GSDME: variants seen among roughly 807,000 people sequenced by gnomAD.
The protein encoded by GSDME is gasdermin E.
GSDME carries 44 observed loss-of-function variants against 47.5 expected under a neutral mutation model. That is an observed-to-expected ratio of 0.93 (90% confidence interval 0.73 to 1.19). The LOEUF (loss-of-function observed/expected upper bound fraction) is 1.19, where lower values mean the gene tolerates loss of function less well. GSDME is among the 50% of genes most tolerant of loss of function. The pLI is 0.00. For missense variants in GSDME, 663 were observed against 604.2 expected (o/e 1.10, Z -1.02); for synonymous variants, 258 against 252.8 (o/e 1.02, Z -0.20).
chr7:24,795,078 G>C, the GSDME span, among the ~76,000 whole-genome samples: 2 of 152,204 alleles, frequency 1.3e-5, no homozygotes, highest in African/African-American at 4.8e-5. Context: ...CAAGTTCCAA[G>C]ACCAGTCTTA....
At position 24,733,882 on chromosome 7, in the gene GSDME, C is replaced by T. The variant is rs928460513; in HGVS notation, c.404+10680G>A. Among the ~76,000 whole-genome samples the T allele has an allele frequency of 6.6e-6, 1 of 152,200 alleles. No individual in the cohort carries two copies. Among genetic ancestry groups the T allele is most frequent in the African/African-American group, 2.4e-5 (1 of 41,450 alleles). On this transcript the variant is annotated intron_variant, in intron 3 of 9. Transcript: ENST00000645220. This position sits in a 1 kb window ranked among gnomAD's most constrained non-coding sequence, Gnocchi z 4.3. ...TCATGTCTGAGGGGAAGGACACAAG[C>T]CTGGCTGGCTTTACCACCTGCTGAT...
chr7:24,708,474 A>G (rs59662781), intron 6 of GSDME, among the ~76,000 whole-genome samples: 1 of 152,334 alleles, frequency 6.6e-6, no homozygotes, highest in East Asian at 1.9e-4. Context: ...GAAAGAGGGA[A>G]GCCAAGTTTT....
At chr7:24,749,525 T>C (rs779520314) in intron 2 of GSDME, 39 bp downstream of exon 2, 2 of 1,492,946 alleles carry the variant, frequency 1.3e-6, no homozygotes, top group Non-Finnish European at 9.3e-7. Context: ...GGATCATCCT[T>C]TCCGAGACTA....
intron 5 of GSDME, among the ~76,000 whole-genome samples, chr7:24,711,050 C>T (rs1789334086): frequency 1.3e-5 from 2 of 152,010 alleles, no homozygotes; most frequent in African/African-American, 2.4e-5. Context: ...CAATATAATG[C>T]CTAGGATTTG....
Position 24,728,081 on chromosome 7 carries a change from G to A in GSDME, c.405-8863C>T, listed in dbSNP as rs1219503824. Reference sequence around the variant, plus strand: ...GCCAATGAGTCTTGATTTGTCTCTCGGCCATTCTTGGTCACTCCGTTTTTC... The same window carrying A: ...GCCAATGAGTCTTGATTTGTCTCTCAGCCATTCTTGGTCACTCCGTTTTTC... On this transcript the variant is annotated intron_variant, in intron 3 of 9. Coordinates refer to ENST00000645220, the MANE Select transcript of GSDME (RefSeq NM_001127453.2). The surrounding 1 kb of genome is among the most constrained non-coding windows in gnomAD (Gnocchi z 7.2). 6.6e-6 allele frequency among the ~76,000 whole-genome samples: 1 copy of A among 152,300 alleles called. No individual in the cohort carries two copies. The highest frequency in any genetic ancestry group is 2.4e-5 in the African/African-American group (1 of 41,548).
chr7:24,747,338 G>A (rs578083167), intron 2 of GSDME, among the ~76,000 whole-genome samples: 3 of 152,306 alleles, frequency 2.0e-5, no homozygotes, highest in African/African-American at 4.8e-5. Context: ...GGCTGGAATC[G>A]TTTCCTGGAA....
the GSDME span, among the ~76,000 whole-genome samples, chr7:24,768,555 C>G: frequency 6.6e-6 from 1 of 152,206 alleles, no homozygotes; most frequent in Non-Finnish European, 1.5e-5. The surrounding 1 kb of genome is among the most constrained non-coding windows in gnomAD (Gnocchi z 5.6). Context: ...GGATTGTTAT[C>G]TCCAGTAAGT....
At chr7:24,719,691 G>A (rs1234756316) in intron 3 of GSDME, among the ~76,000 whole-genome samples, 1 of 152,110 alleles carries the variant, frequency 6.6e-6, no homozygotes, top group Non-Finnish European at 1.5e-5. Context: ...TACTAAGGAG[G>A]CTGAGGCACG....
chr7:24,784,611 CTTTT>C, the GSDME span, among the ~76,000 whole-genome samples: 2 of 146,474 alleles, frequency 1.4e-5, no homozygotes, highest in African/African-American at 5.1e-5. Context: ...CTTCCCCCTG[CTTTT>C]TTTCTTCTTC....
At chr7:24,708,345 A>G (rs570632167) in intron 6 of GSDME, 91 bp from the exon 7 acceptor site, 23 of 1,479,618 alleles carry the variant, frequency 1.6e-5, no homozygotes, top group Non-Finnish European at 2.0e-5. Context: ...CCTAATCGTC[A>G]TCAGTTCTTT....
In GSDME at chr7:24,757,031, G is replaced by T. The variant is rs1210050321; in HGVS notation, c.-20+365C>A. ...CACAAAGGATGAACGAATGGGGAGG[G>T]GGGGTTTGGGGGGTTGGGAGAACGA... On this transcript the variant is annotated intron_variant, in intron 1 of 9. Coordinates refer to ENST00000645220, the MANE Select transcript of GSDME (RefSeq NM_001127453.2). The surrounding 1 kb of genome is among the most constrained non-coding windows in gnomAD (Gnocchi z 5.9). 1.3e-5 allele frequency among the ~76,000 whole-genome samples: 2 copies of T among 152,178 alleles called. No individual in the cohort carries two copies. Among genetic ancestry groups the T allele is most frequent in the East Asian group, 1.9e-4 (1 of 5,188 alleles).
rs564845679 is a variant in GSDME at position 24,721,571 on chromosome 7, A to G, written c.405-2353T>C. On this transcript the variant is annotated intron_variant, in intron 3 of 9. Transcript: ENST00000645220. This position sits in a 1 kb window ranked among gnomAD's most constrained non-coding sequence, Gnocchi z 4.1. ...ATGGGGTTCCGTCAGGGTTTAGATGACATGCATGCAGTGAGCCATTAGGGT... is the reference window on the plus strand; with the variant it reads ...ATGGGGTTCCGTCAGGGTTTAGATGGCATGCATGCAGTGAGCCATTAGGGT... Among the ~76,000 whole-genome samples, 15 of 152,304 alleles carry G rather than the reference A, an allele frequency of 9.8e-5. No homozygotes were observed. The highest frequency in any genetic ancestry group is 8.5e-4 in the Admixed American group (13 of 15,298).
At chr7:24,737,884 A>C (rs1314240160) in intron 3 of GSDME, among the ~76,000 whole-genome samples, 1 of 152,202 alleles carries the variant, frequency 6.6e-6, no homozygotes, top group Non-Finnish European at 1.5e-5. Flanking sequence ...AAGAACAAAA[A>C]CCATTTGATT....
At chr7:24,792,884 T>C in the GSDME span, among the ~76,000 whole-genome samples, 1 of 152,184 alleles carries the variant, frequency 6.6e-6, no homozygotes, top group Non-Finnish European at 1.5e-5. Flanking sequence ...GTACATGTGC[T>C]AAAAGACTTT....
At chr7:24,747,360 G>C (rs74815990) in intron 2 of GSDME, among the ~76,000 whole-genome samples, 5,726 of 152,272 alleles carry the variant, frequency 0.038, 151 homozygotes, top group Non-Finnish European at 0.056. Flanking sequence ...AAAGTTTGAA[G>C]ATTATCTGTA....
chr7:24,788,382 G>A, the GSDME span, among the ~76,000 whole-genome samples: 1 of 142,836 alleles, frequency 7.0e-6, no homozygotes, highest in African/African-American at 2.6e-5. This position sits in a 1 kb window ranked among gnomAD's most constrained non-coding sequence, Gnocchi z 4.6. Context: ...TGTAGCTCCC[G>A]ATGGCTGTCC....
At position 24,754,211 on chromosome 7, in the gene GSDME, G is replaced by T. The variant is rs950186505; in HGVS notation, c.-20+3185C>A. ...CCTTAAAAGTTATATTAGCAGCCGG[G>T]CCTGGTGGCTCATGCCTGTAATCCC... On this transcript the variant is annotated intron_variant, in intron 1 of 9. Transcript: ENST00000645220. This position sits in a 1 kb window ranked among gnomAD's most constrained non-coding sequence, Gnocchi z 5.0. 4.2e-4 allele frequency among the ~76,000 whole-genome samples: 64 copies of T among 152,234 alleles called. No individual in the cohort carries two copies. Among genetic ancestry groups the T allele is most frequent in the African/African-American group, 1.5e-3 (61 of 41,456 alleles).
intron 5 of GSDME, among the ~76,000 whole-genome samples, chr7:24,715,831 ACTTTCT>A (rs1413176652): frequency 6.6e-6 from 1 of 152,104 alleles, no homozygotes; most frequent in Non-Finnish European, 1.5e-5. Flanking sequence ...TCAAACTGAC[ACTTTCT>A]CTTTCTGTCA....
chr7:24,725,411 T>G lies in GSDME; in HGVS notation c.405-6193A>C, dbSNP rs1437878270. ...TTCAGGATGCTTTATAAGGGAGCCC[T>G]CAGCCAGGTGTAGGAGGACGAGCCG... On this transcript the variant is annotated intron_variant, in intron 3 of 9. Transcript: ENST00000645220. The surrounding 1 kb of genome is among the most constrained non-coding windows in gnomAD (Gnocchi z 5.1). Among the ~76,000 whole-genome samples, 1 of 152,114 alleles carries G rather than the reference T, an allele frequency of 6.6e-6. No individual in the cohort carries two copies. The highest frequency in any genetic ancestry group is 1.5e-5 in the Non-Finnish European group (1 of 68,018).
Sources: gnomAD v4.1 joint callset for allele counts (sites outside exome capture counted in the v4.1 genomes callset) on GRCh38, gnomAD v4.1.1 for gene constraint, Gnocchi (gnomAD v3.1) non-coding constraint, MANE v1.5 for transcripts, NCBI Gene and HGNC (gene_info 2026-07-23, HGNC 2026-07-21) for gene names.